MARCHF10: variants seen among roughly 807,000 people sequenced by gnomAD.
MARCHF10 encodes membrane associated ring-CH-type finger 10.
Under a neutral mutation model 76.2 loss-of-function variants are expected in MARCHF10, and 64 were observed. That is an observed-to-expected ratio of 0.84 (90% CI 0.69 to 1.03). MARCHF10 has a LOEUF of 1.03. MARCHF10 is among the 50% of genes least tolerant of loss of function. The probability of loss-of-function intolerance (pLI) is 0.00; values close to 1 mark genes in which losing one functional copy is unlikely to be tolerated. For synonymous variants in MARCHF10, 340 were observed against 357.5 expected (o/e 0.95, Z 0.55); for missense variants, 875 against 958.0 (o/e 0.91, Z 1.14).
intron 3 of MARCHF10, among the ~76,000 whole-genome samples, chr17:62,786,340 C>T (rs1323916019): frequency 7.1e-6 from 1 of 141,222 alleles, no homozygotes; most frequent in Non-Finnish European, 1.5e-5. Context: ...AATGAGAACA[C>T]ATGGACACAG....
intron 5 of MARCHF10, among the ~76,000 whole-genome samples, chr17:62,739,107 T>A (rs1237067973): frequency 1.3e-5 from 2 of 152,288 alleles, no homozygotes; most frequent in East Asian, 3.9e-4. Context: ...AAGACCAGCC[T>A]AGACAACATG....
intron 2 of MARCHF10, among the ~76,000 whole-genome samples, chr17:62,796,006 TC>T (rs2092978288): frequency 1.3e-5 from 2 of 150,748 alleles, no homozygotes; most frequent in African/African-American, 4.9e-5. Context: ...ATGCAATTGA[TC>T]CTTTTTTTTT....
intron 3 of MARCHF10, among the ~76,000 whole-genome samples, chr17:62,781,571 T>A (rs1460446214): frequency 6.6e-6 from 1 of 152,208 alleles, no homozygotes; most frequent in Non-Finnish European, 1.5e-5. Flanking sequence ...TATTGCTTCA[T>A]CTTGGACTTA....
At chr17:62,718,824 T>C (rs1403745634) in intron 8 of MARCHF10, among the ~76,000 whole-genome samples, 1 of 152,120 alleles carries the variant, frequency 6.6e-6, no homozygotes, top group African/African-American at 2.4e-5. Context: ...AAGAAGTCCT[T>C]CTCCTCTCCC....
chr17:62,710,663 A>G (rs772697266), intron 9 of MARCHF10, among the ~76,000 whole-genome samples: 2 of 147,306 alleles, frequency 1.4e-5, no homozygotes, highest in Admixed American at 7.0e-5. Flanking sequence ...GGTTCCAGCG[A>G]TTCTCCTGCC....
At chr17:62,772,196 A>G (rs2092461253) in intron 3 of MARCHF10, among the ~76,000 whole-genome samples, 1 of 152,122 alleles carries the variant, frequency 6.6e-6, no homozygotes, top group Admixed American at 6.5e-5. Flanking sequence ...AGGTAATTAA[A>G]TCATGGGGGT....
intron 6 of MARCHF10, among the ~76,000 whole-genome samples, chr17:62,729,688 C>T (rs891865574): frequency 3.3e-5 from 5 of 151,850 alleles, no homozygotes; most frequent in Non-Finnish European, 5.9e-5. Flanking sequence ...ATACTCCTGC[C>T]TCAGCCTCTA....
chr17:62,707,082 G>T (rs1405935869), intron 9 of MARCHF10, among the ~76,000 whole-genome samples: 4 of 152,164 alleles, frequency 2.6e-5, no homozygotes, highest in Non-Finnish European at 5.9e-5. Context: ...TCCCATGTCT[G>T]ATGCTCCCAC....
intron 3 of MARCHF10, among the ~76,000 whole-genome samples, chr17:62,765,158 C>A (rs562494546): frequency 3.3e-5 from 5 of 149,574 alleles, no homozygotes; most frequent in African/African-American, 9.9e-5. Flanking sequence ...ACCAGCCTGG[C>A]CAACATGGTG....
chr17:62,724,076 C>T (rs929401116), intron 7 of MARCHF10, among the ~76,000 whole-genome samples: 5 of 151,772 alleles, frequency 3.3e-5, no homozygotes, highest in South Asian at 2.1e-4. Flanking sequence ...ATATGGAAGA[C>T]GGGGAGAAAT....
chr17:62,807,778 C>T (rs2093185045), intron 1 of MARCHF10, among the ~76,000 whole-genome samples: 2 of 152,060 alleles, frequency 1.3e-5, no homozygotes, highest in Non-Finnish European at 2.9e-5. Context: ...TAAACAAAAT[C>T]AATATCGACC....
intron 3 of MARCHF10, among the ~76,000 whole-genome samples, chr17:62,783,881 A>G (rs531771981): frequency 9.2e-5 from 14 of 152,336 alleles, no homozygotes; most frequent in African/African-American, 3.4e-4. Flanking sequence ...GGCAATAATT[A>G]ATAGCCTACC....
intron 3 of MARCHF10, 41 bp downstream of exon 3, chr17:62,788,439 A>G (rs765998873): frequency 6.2e-7 from 1 of 1,612,216 alleles, no homozygotes; most frequent in Non-Finnish European, 8.5e-7. Flanking sequence ...CACCAGCAGC[A>G]GCAGCAGCCC....
rs1446114115 is a variant in MARCHF10, at chr17:62,705,556, C to T, written c.2354G>A (p.Arg785Lys). 6.2e-7 allele frequency: 1 copy of T among 1,613,996 alleles called. No individual in the cohort carries two copies. The highest frequency in any genetic ancestry group is 2.2e-5 in the East Asian group (1 of 44,896). The change falls in exon 10 of 11, where the codon AGA becomes AAA. Residue 785 changes from arginine to lysine, a missense_variant. Coordinates refer to ENST00000311269, the MANE Select transcript of MARCHF10 (RefSeq NM_152598.4). Reference protein sequence around the residue: ...ERLSRNYPQPRTEENENSELG... With the variant: ...ERLSRNYPQPKTEENENSELG... ...AAACCTACTTTCATTTTCCTCTGTT[C>T]TGGGTTGTGGGTAATTTCTTGACAA... is the stretch of plus-strand genomic sequence containing the variant.
chr17:62,715,100 C>T (rs2090128643), intron 8 of MARCHF10, among the ~76,000 whole-genome samples: 1 of 152,144 alleles, frequency 6.6e-6, no homozygotes, highest in Non-Finnish European at 1.5e-5. Context: ...CTGGAGTGGG[C>T]CCAAGAATGT....
chr17:62,778,910 AGAT>A (rs887516720), intron 3 of MARCHF10, among the ~76,000 whole-genome samples: 1 of 152,060 alleles, frequency 6.6e-6, no homozygotes, highest in African/African-American at 2.4e-5. Flanking sequence ...ATTTGAGGGG[AGAT>A]GATGATGTAT....
intron 3 of MARCHF10, among the ~76,000 whole-genome samples, chr17:62,786,863 T>A (rs542607650): frequency 6.6e-6 from 1 of 152,284 alleles, no homozygotes; most frequent in African/African-American, 2.4e-5. Flanking sequence ...TGCATGAAAG[T>A]TCCCTGCAGA....
intron 1 of MARCHF10, chr17:62,806,547 A>G (rs2093167189): frequency 6.6e-6 from 1 of 152,270 alleles, no homozygotes; most frequent in Non-Finnish European, 1.5e-5. Context: ...ATAAGAAGCC[A>G]TATTAAGTAG....
At chr17:62,777,069 G>T (rs1270907090) in intron 3 of MARCHF10, among the ~76,000 whole-genome samples, 5 of 152,122 alleles carry the variant, frequency 3.3e-5, no homozygotes, top group Non-Finnish European at 7.4e-5. Flanking sequence ...TTCAAGCCAG[G>T]TCATGGAGCA....
Sources: allele counts gnomAD v4.1 joint callset (sites outside exome capture counted in the v4.1 genomes callset), GRCh38; gene constraint gnomAD v4.1.1; transcripts MANE v1.5; gene names NCBI Gene and HGNC (gene_info 2026-07-23, HGNC 2026-07-21).